ARHGEF28: variants seen among roughly 807,000 people sequenced by gnomAD.
The protein encoded by ARHGEF28 is 190 kDa guanine nucleotide exchange factor.
Under a neutral mutation model 206.6 loss-of-function variants are expected in ARHGEF28, and 152 were observed. That is an observed-to-expected ratio of 0.74 (90% CI 0.64 to 0.84). ARHGEF28 has a LOEUF of 0.84. ARHGEF28 is among the 40% of genes least tolerant of loss of function. ARHGEF28 has a pLI of 0.00. For missense variants in ARHGEF28, 2,028 were observed against 2,073.2 expected (o/e 0.98, Z 0.42); for synonymous variants, 763 against 776.4 (o/e 0.98, Z 0.29).
chr5:73,825,656 A>AG (rs1297904115), intron 9 of ARHGEF28, among the ~76,000 whole-genome samples: 21 of 152,210 alleles, frequency 1.4e-4, no homozygotes, highest in Non-Finnish European at 2.9e-5. Context: ...CAGTTTAGGA[A>AG]GAAGACCGTG....
rs756265980 is a variant in ARHGEF28 at position 73,911,613 on chromosome 5, CAAG to C, written c.4948+42_4948+44del. 8.9e-5 allele frequency: 136 copies of C among 1,528,646 alleles called. No homozygotes were observed. In the Admixed American group the frequency reaches 2.2e-3, roughly 25 times the overall value. The allele number at this position is 1,528,646 out of a possible 1,614,324, so 94.7% of individuals were successfully genotyped here. A position where few individuals can be genotyped will look rare whatever the true frequency, so the allele number is the denominator to read the frequency against. On this transcript the variant is annotated intron_variant, in intron 35 of 35. Coordinates refer to ENST00000513042, the MANE Select transcript of ARHGEF28 (RefSeq NM_001177693.2). Reference sequence around the variant, plus strand: ...TTAAACATCATCTGTATAGTTTGAACAAGAAGTTGTCCCTCTGAATGGTTGGCT... The same window carrying C: ...TTAAACATCATCTGTATAGTTTGAACAAGTTGTCCCTCTGAATGGTTGGCT...
intron 6 of ARHGEF28, 175 bp from the exon 7 acceptor site, chr5:73,780,501 G>A (rs568089686): frequency 2.8e-5 from 17 of 599,506 alleles, no homozygotes; most frequent in Middle Eastern, 4.2e-4. Context: ...GACTTTGCTC[G>A]CCCTCCTGCT....
At position 73,787,757 on chromosome 5, in the gene ARHGEF28, G is replaced by A. The variant is rs147253982; in HGVS notation, c.911-6645G>A. On this transcript the variant is annotated intron_variant, in intron 7 of 35. Transcript: ENST00000513042. ...TTTACAGAGCAATTCAGCCTTTTCT[G>A]TATTTCCTTTAGTGACTGACTTTGC... is the stretch of plus-strand genomic sequence containing the variant. Among the ~76,000 whole-genome samples the A allele has an allele frequency of 7.9e-4, 120 of 152,210 alleles. 1 individual carries two copies. Among genetic ancestry groups the A allele is most frequent in the Middle Eastern group, 6.8e-3 (2 of 294 alleles).
intron 9 of ARHGEF28, among the ~76,000 whole-genome samples, chr5:73,807,486 T>A (rs1169735074): frequency 6.6e-6 from 1 of 150,744 alleles, no homozygotes; most frequent in Non-Finnish European, 1.5e-5. Context: ...ACAATGTAAT[T>A]CTTTTTTTTT....
chr5:73,808,595 C>T (rs1174764696), intron 9 of ARHGEF28, among the ~76,000 whole-genome samples: 2 of 152,194 alleles, frequency 1.3e-5, no homozygotes, highest in Admixed American at 1.3e-4. Context: ...CCCTGATTTT[C>T]ACCTTATGCT....
intron 1 of ARHGEF28, among the ~76,000 whole-genome samples, chr5:73,670,107 C>T (rs1437367708): frequency 6.6e-6 from 1 of 152,212 alleles, no homozygotes; most frequent in East Asian, 1.9e-4. Flanking sequence ...CACAAGGATC[C>T]CTCCTGTTAC....
At chr5:73,677,810 G>T (rs1297778264) in intron 1 of ARHGEF28, among the ~76,000 whole-genome samples, 2 of 152,248 alleles carry the variant, frequency 1.3e-5, no homozygotes, top group East Asian at 1.9e-4. Flanking sequence ...AAATACTTTG[G>T]TTTTTTTATG....
chr5:73,862,092 T>C (rs2112621323), intron 16 of ARHGEF28, among the ~76,000 whole-genome samples: 1 of 152,184 alleles, frequency 6.6e-6, no homozygotes, highest in Non-Finnish European at 1.5e-5. Context: ...GGTAATTTTC[T>C]TCTTGTTAAA....
intron 35 of ARHGEF28, among the ~76,000 whole-genome samples, chr5:73,939,180 A>C (rs1210473702): frequency 6.6e-6 from 1 of 152,206 alleles, no homozygotes; most frequent in Admixed American, 6.5e-5. Context: ...GATGTGGGTC[A>C]GAATTTCACT....
intron 12 of ARHGEF28, among the ~76,000 whole-genome samples, chr5:73,847,673 A>T (rs1758448322): frequency 6.6e-6 from 1 of 152,236 alleles, no homozygotes; most frequent in South Asian, 2.1e-4. Context: ...TTTTAGGAAG[A>T]ATCTGAACCA....
At chr5:73,674,470 C>T (rs1177189358) in intron 1 of ARHGEF28, among the ~76,000 whole-genome samples, 1 of 152,180 alleles carries the variant, frequency 6.6e-6, no homozygotes, top group African/African-American at 2.4e-5. Context: ...CAGGAACATG[C>T]GAGGTCCCCT....
chr5:73,906,734 A>AT (rs893576686), intron 33 of ARHGEF28, among the ~76,000 whole-genome samples: 114 of 151,550 alleles, frequency 7.5e-4, no homozygotes, highest in African/African-American at 2.4e-3. Flanking sequence ...GTGTATATGT[A>AT]TTTTTTTCAC....
intron 10 of ARHGEF28, among the ~76,000 whole-genome samples, chr5:73,840,163 C>A (rs1757894958): frequency 1.3e-5 from 2 of 152,190 alleles, no homozygotes; most frequent in Non-Finnish European, 2.9e-5. Context: ...GTAACCCAGG[C>A]TAGAGTGCAC....
chr5:73,851,428 G>T (rs1011147964), intron 13 of ARHGEF28, among the ~76,000 whole-genome samples: 1 of 149,432 alleles, frequency 6.7e-6, no homozygotes, highest in South Asian at 2.1e-4. Context: ...TTTGAGCCAA[G>T]AGTACGATGA....
rs199804024 is a variant in ARHGEF28 at position 73,938,160 on chromosome 5, CCACACACA to C, written c.4949-2651_4949-2644del. Among the ~76,000 whole-genome samples, 46 of 139,644 alleles carry C rather than the reference CCACACACA, an allele frequency of 3.3e-4. 1 individual carries two copies. The South Asian group carries it at 4.5e-3, about 14-fold the overall frequency. The allele number at this position is 139,644 out of a possible 152,430, so 91.6% of individuals were successfully genotyped here. A position where few individuals can be genotyped will look rare whatever the true frequency, so the allele number is the denominator to read the frequency against. On this transcript the variant is annotated intron_variant, in intron 35 of 35. Transcript: ENST00000513042. ...GTTCTGATTAAACTTCTACACTACA[CCACACACA>C]CACACACACACACACACACACACAC... is the stretch of plus-strand genomic sequence containing the variant.
intron 2 of ARHGEF28, among the ~76,000 whole-genome samples, chr5:73,748,412 T>C (rs935750907): frequency 2.0e-5 from 3 of 152,238 alleles, no homozygotes; most frequent in African/African-American, 7.2e-5. Flanking sequence ...GTGTGTGTGA[T>C]ACATTTTAAA....
chr5:73,751,144 T>C (rs1373373759), intron 3 of ARHGEF28, among the ~76,000 whole-genome samples: 2 of 152,228 alleles, frequency 1.3e-5, no homozygotes, highest in African/African-American at 4.8e-5. Context: ...TCATGGTGGC[T>C]CATGCCTGTA....
chr5:73,890,840 T>G (rs574951916), intron 26 of ARHGEF28, among the ~76,000 whole-genome samples: 1 of 152,342 alleles, frequency 6.6e-6, no homozygotes, highest in East Asian at 1.9e-4. Context: ...ATTCTTCATA[T>G]TATCCCCCAA....
rs71615796 is a variant in ARHGEF28 at position 73,690,525 on chromosome 5, CAAAAAAAAAAAAA to C, written c.33+5655_33+5667del. ...TCAACATTGTAAGACTCTGTCTTTA[CAAAAAAAAAAAAA>C]AAAAAAAAAAAAAGCCACGTGTGGT... is the stretch of plus-strand genomic sequence containing the variant. On this transcript the variant is annotated intron_variant, in intron 2 of 35. Coordinates refer to ENST00000513042, the MANE Select transcript of ARHGEF28 (RefSeq NM_001177693.2). Among the ~76,000 whole-genome samples the C allele has an allele frequency of 3.9e-3, 92 of 23,376 alleles. 1 individual carries two copies. The highest frequency in any genetic ancestry group is 8.5e-3 in the African/African-American group (88 of 10,414). 15.3% of individuals were successfully genotyped at this position (23,376 alleles called of 152,430 possible). A position where few individuals can be genotyped will look rare whatever the true frequency, so the allele number is the denominator to read the frequency against.
Sources: gnomAD v4.1 joint callset for allele counts (sites outside exome capture counted in the v4.1 genomes callset) on GRCh38, gnomAD v4.1.1 for gene constraint, MANE v1.5 for transcripts, NCBI Gene and HGNC (gene_info 2026-07-23, HGNC 2026-07-21) for gene names.